PHF3: variants seen among roughly 807,000 people sequenced by gnomAD.
PHF3 encodes the protein PHD finger protein 3.
In PHF3, 41 loss-of-function variants were observed where a neutral mutation model predicts 178.4. The observed-to-expected ratio is 0.23, with a 90% confidence interval of 0.18 to 0.30. The LOEUF is 0.30. Ranked by LOEUF, PHF3 falls within the 10% of genes least tolerant of loss-of-function variation. The pLI is 1.00. For synonymous variants in PHF3, 842 were observed against 800.5 expected, an observed-to-expected ratio of 1.05 and a Z score of -0.88; for missense variants, 2,346 against 2,398.1, an observed-to-expected ratio of 0.98 and a Z score of 0.45.
chr6:63,693,466 T>C (rs542380763), intron 5 of PHF3, among the ~76,000 whole-genome samples: 11 of 152,136 alleles, frequency 7.2e-5, no homozygotes, highest in African/African-American at 2.7e-4. Flanking sequence ...AATACAAAAA[T>C]TAGCCGAGCA....
At chr6:63,677,125 A>C (rs113997643) in intron 2 of PHF3, among the ~76,000 whole-genome samples, 2,638 of 152,226 alleles carry the variant, frequency 0.017, 23 homozygotes, top group South Asian at 0.033. Flanking sequence ...ACTTTGAGGT[A>C]CTTATTAGAC....
At chr6:63,637,499 C>CA (rs1276201871) in intron 1 of PHF3, among the ~76,000 whole-genome samples, 56 of 152,142 alleles carry the variant, frequency 3.7e-4, no homozygotes, top group Non-Finnish European at 6.2e-4. Context: ...TTCCACAGCA[C>CA]AAAAAGGTGT....
chr6:63,701,382 A>C (rs1322093558), intron 9 of PHF3, among the ~76,000 whole-genome samples: 3 of 152,192 alleles, frequency 2.0e-5, no homozygotes, highest in Non-Finnish European at 4.4e-5. Context: ...ACAGATAGCA[A>C]GAATTTTTGT....
chr6:63,685,445 G>A lies in PHF3; in HGVS notation c.1723G>A (p.Val575Ile), dbSNP rs746374969. Residue 575 changes from valine (V) to isoleucine (I), a missense_variant, in exon 4 of 16, where the codon GTA becomes ATA. Around this residue, in one of 8 missense-constraint regions of PHF3, gnomAD observed 843 missense variants for 795.2 expected, o/e 1.06. Coordinates refer to ENST00000262043, the MANE Select transcript of PHF3 (RefSeq NM_001370348.2). ...ATCTGTGAAAAACCAAGCTCATTCT[G>A]TACTGAAAAAAACATTACAGGATCA... ...VKSVKNQAHS[V>I]LKKTLQDQTL... The A allele has an allele frequency of 1.2e-6, 2 of 1,613,902 alleles. No individual in the cohort carries two copies. Among genetic ancestry groups the A allele is most frequent in the Non-Finnish European group, 1.7e-6 (2 of 1,179,956 alleles).
intron 2 of PHF3, among the ~76,000 whole-genome samples, chr6:63,674,417 T>C (rs959402778): frequency 1.3e-5 from 2 of 148,556 alleles, no homozygotes; most frequent in Non-Finnish European, 3.0e-5. Flanking sequence ...ATTATTTATA[T>C]AGCATTGTTA....
At chr6:63,689,745 G>A (rs551820329) in intron 4 of PHF3, among the ~76,000 whole-genome samples, 149 of 152,146 alleles carry the variant, frequency 9.8e-4, no homozygotes, top group African/African-American at 3.5e-3. Context: ...ACTCTTCCCT[G>A]GTTGTGAAAT....
rs1305942153 is a variant in PHF3, at chr6:63,713,290, G to C, written c.5702G>C (p.Trp1901Ser). ...CCAGAAAGGCGCCATAGTGACCCTT[G>C]GGGTAGGCAAGACCAACAGCAACTG... ...RRPERRHSDPWGRQDQQQLDR... is the reference protein window; with the variant it reads ...RRPERRHSDPSGRQDQQQLDR... Residue 1901 changes from tryptophan to serine, a missense_variant, in exon 16 of 16, where the codon TGG (tryptophan) becomes TCG (serine). Transcript: ENST00000262043. 6.2e-7 allele frequency: 1 copy of C among 1,613,888 alleles called. No homozygotes were observed. Among genetic ancestry groups the C allele is most frequent in the East Asian group, 2.2e-5 (1 of 44,884 alleles).
At chr6:63,707,088 A>C (rs750318083) in intron 13 of PHF3, among the ~76,000 whole-genome samples, 32 of 152,254 alleles carry the variant, frequency 2.1e-4, no homozygotes, top group Admixed American at 5.2e-4. Flanking sequence ...TATGTCCTGC[A>C]CTTTTCCCAA....
At chr6:63,664,323 G>T (rs1430035471) in intron 2 of PHF3, among the ~76,000 whole-genome samples, 1 of 152,190 alleles carries the variant, frequency 6.6e-6, no homozygotes, top group African/African-American at 2.4e-5. Flanking sequence ...CCAGTTCTCT[G>T]TTCATAGAGC....
Position 63,723,679 on chromosome 6 carries a change from T to G in PHF3, c.*9971T>G, listed in dbSNP as rs1768496657. ...CGAAAAATTGACAAAAAGTTTTCTT[T>G]CTGTGGCTATGGAAGCTAAAAGCTG... On this transcript the variant is annotated 3_prime_UTR_variant, in exon 16 of 16. Transcript: ENST00000262043. Among the ~76,000 whole-genome samples, 1 of 152,004 alleles carries G rather than the reference T, an allele frequency of 6.6e-6. No individual in the cohort carries two copies. The highest frequency in any genetic ancestry group is 1.5e-5 in the Non-Finnish European group (1 of 67,988).
chr6:63,659,180 GTTAA>G (rs1227076900), intron 2 of PHF3, among the ~76,000 whole-genome samples: 3 of 152,128 alleles, frequency 2.0e-5, no homozygotes, highest in Admixed American at 2.0e-4. Flanking sequence ...GTTAATGCAT[GTTAA>G]TTAATTTGAT....
In PHF3 at chr6:63,690,452, A is replaced by G. The variant is rs537841806; in HGVS notation, c.2190-1285A>G. On this transcript the variant is annotated intron_variant, in intron 4 of 15. Coordinates refer to ENST00000262043, the MANE Select transcript of PHF3 (RefSeq NM_001370348.2). ...AATGAGGTATTTGGCAAGACTTTAA[A>G]AACACTGTAAGGATTGGAACTCACT... Among the ~76,000 whole-genome samples, 4 of 152,268 alleles carry G rather than the reference A, an allele frequency of 2.6e-5. No individual in the cohort carries two copies. The South Asian group carries it at 8.3e-4, about 32-fold the overall frequency.
In PHF3 at chr6:63,636,214, A is replaced by G. The variant is rs533837907; in HGVS notation, c.-26+64A>G. ...ATCCTCCCCTCCCCCATCCCCTTCCACACGCACAGCGCCTCCGCGGGCCTC... is the reference window on the plus strand; with the variant it reads ...ATCCTCCCCTCCCCCATCCCCTTCCGCACGCACAGCGCCTCCGCGGGCCTC... On this transcript the variant is annotated intron_variant, in intron 1 of 15. Transcript: ENST00000262043. The G allele has an allele frequency of 6.2e-3, 2,154 of 347,416 alleles. 37 individuals are homozygous for G. The highest frequency in any genetic ancestry group is 0.042 in the African/African-American group (1,966 of 47,056). The allele number at this position is 347,416 out of a possible 1,614,324, so 21.5% of individuals were successfully genotyped here.
At position 63,713,506 on chromosome 6, in the gene PHF3, G is replaced by A. The variant is rs1358802231; in HGVS notation, c.5918G>A (p.Arg1973Gln). Residue 1973 changes from arginine to glutamine, a missense_variant, in exon 16 of 16, where the codon CGG becomes CAG. Coordinates refer to ENST00000262043, the MANE Select transcript of PHF3 (RefSeq NM_001370348.2). ...GGGCACAAAGATAAAGAGAGGGCAC[G>A]GTTATCACATGGTGATCGAGGAACA... ...EEGHKDKERA[R>Q]LSHGDRGTDG... 20 of 1,613,582 alleles carry A rather than the reference G, an allele frequency of 1.2e-5. No individual in the cohort carries two copies. Among genetic ancestry groups the A allele is most frequent in the East Asian group, 6.7e-5 (3 of 44,792 alleles).
chr6:63,703,818 G>A, intron 11 of PHF3, 147 bp downstream of exon 11: 1 of 685,956 alleles, frequency 1.5e-6, no homozygotes, highest in Non-Finnish European at 2.4e-6. Flanking sequence ...TCGTGTGACT[G>A]GTTTTCTGGG....
At position 63,636,075 on chromosome 6, in the gene PHF3, C is replaced by T. The variant is rs566496398; in HGVS notation, c.-101C>T. On this transcript the variant is annotated 5_prime_UTR_variant, in exon 1 of 16. Transcript: ENST00000262043. The stretch of plus-strand genomic sequence containing the variant: ...TCCGCGGCACCCACCGGGCCCCCTC[C>T]TCCTCCTCTTCGGCGGCGGCAGCGT... 2 of 392,956 alleles carry T rather than the reference C, an allele frequency of 5.1e-6. No homozygotes were observed. The highest frequency in any genetic ancestry group is 4.5e-6 in the Non-Finnish European group (1 of 222,832). The allele number at this position is 392,956 out of a possible 1,614,324, so 24.3% of individuals were successfully genotyped here.
rs1766559576 is a variant in PHF3, at chr6:63,684,111, T to C, written c.407-18T>C. The C allele has an allele frequency of 2.0e-6, 3 of 1,538,140 alleles. No individual in the cohort carries two copies. Among genetic ancestry groups the C allele is most frequent in the Middle Eastern group, 1.7e-4 (1 of 5,728 alleles). ...AAAATAGCTAAGTATTTTTATTTAT[T>C]TTTTCCCCCTGTGATAGAACAAGTA... On this transcript the variant is annotated intron_variant, in intron 3 of 15. Coordinates refer to ENST00000262043, the MANE Select transcript of PHF3 (RefSeq NM_001370348.2).
In PHF3 at chr6:63,723,014, A is replaced by G. The variant is rs918348024; in HGVS notation, c.*9306A>G. On this transcript the variant is annotated 3_prime_UTR_variant, in exon 16 of 16. Coordinates refer to ENST00000262043, the MANE Select transcript of PHF3 (RefSeq NM_001370348.2). Reference sequence around the variant, plus strand: ...GGGTCTGTGTTTGGTTTGGTCCAACAGTTGATTCCCAGCACCCAAAACGGT... The same window carrying G: ...GGGTCTGTGTTTGGTTTGGTCCAACGGTTGATTCCCAGCACCCAAAACGGT... Among the ~76,000 whole-genome samples the G allele has an allele frequency of 3.3e-5, 5 of 152,236 alleles. No homozygotes were observed. Among genetic ancestry groups the G allele is most frequent in the African/African-American group, 1.2e-4 (5 of 41,462 alleles).
intron 2 of PHF3, among the ~76,000 whole-genome samples, chr6:63,678,518 T>C (rs181681427): frequency 3.4e-4 from 52 of 152,226 alleles, no homozygotes; most frequent in African/African-American, 9.1e-4. Flanking sequence ...TATATTCTTA[T>C]CTGTTTATGG....
Sources: allele counts gnomAD v4.1 joint callset (sites outside exome capture counted in the v4.1 genomes callset), GRCh38; gene constraint gnomAD v4.1.1; regional missense constraint gnomAD v4.1.1; transcripts MANE v1.5; gene names NCBI Gene and HGNC (gene_info 2026-07-23, HGNC 2026-07-21).